SCN11A: variants seen among roughly 807,000 people sequenced by gnomAD.
SCN11A encodes sodium voltage-gated channel alpha subunit 11.
In SCN11A, 122 loss-of-function variants were observed where a neutral mutation model predicts 162.2. The ratio of observed to expected loss-of-function variants is 0.75; its 90% CI spans 0.65 to 0.87. SCN11A has a LOEUF of 0.87. SCN11A is among the 40% of genes least tolerant of loss of function. The probability of loss-of-function intolerance (pLI) is 0.00; values close to 1 mark genes in which losing one functional copy is unlikely to be tolerated. For synonymous variants in SCN11A, 758 were observed against 751.5 expected, an observed-to-expected ratio of 1.01 and a Z score of -0.14; for missense variants, 2,015 against 2,181.6, an observed-to-expected ratio of 0.92 and a Z score of 1.52.
chr3:38,941,920 T>C (rs960131285), intron 7 of SCN11A, among the ~76,000 whole-genome samples: 5 of 152,156 alleles, frequency 3.3e-5, no homozygotes, highest in Non-Finnish European at 7.4e-5. Context: ...ATTGATAGAC[T>C]GCATAAAAAG....
At chr3:39,033,991 C>T (rs1049448011) in intron 1 of SCN11A, among the ~76,000 whole-genome samples, 1 of 151,966 alleles carries the variant, frequency 6.6e-6, no homozygotes, top group Non-Finnish European at 1.5e-5. Flanking sequence ...AATGAAACAC[C>T]ATTTCTACTA....
chr3:38,939,893 A>G (rs551171183), intron 7 of SCN11A, among the ~76,000 whole-genome samples: 1 of 151,822 alleles, frequency 6.6e-6, no homozygotes, highest in Non-Finnish European at 1.5e-5. Flanking sequence ...ACAAGAGTGA[A>G]ACCCCATCTC....
intron 3 of SCN11A, among the ~76,000 whole-genome samples, chr3:38,956,105 T>C (rs138609189): frequency 0.016 from 2,429 of 152,100 alleles, 67 homozygotes; most frequent in African/African-American, 0.056. Context: ...ATCAGCCAGG[T>C]GTGGTGGTGC....
chr3:39,000,840 C>A (rs1312917692), intron 2 of SCN11A, among the ~76,000 whole-genome samples: 1 of 152,096 alleles, frequency 6.6e-6, no homozygotes, highest in Admixed American at 6.5e-5. Flanking sequence ...AGTTTGAGAC[C>A]AGCCTGAGTA....
chr3:38,984,705 T>C (rs917224090), intron 2 of SCN11A, among the ~76,000 whole-genome samples: 2 of 152,120 alleles, frequency 1.3e-5, no homozygotes, highest in African/African-American at 4.8e-5. Flanking sequence ...GAGACGGGGT[T>C]TCACCATGTT....
chr3:38,944,976 A>C (rs932133565), intron 7 of SCN11A, among the ~76,000 whole-genome samples: 2 of 152,208 alleles, frequency 1.3e-5, no homozygotes. Flanking sequence ...AAAATAAAAA[A>C]AAATAAAAAA....
chr3:38,887,419 G>A (rs1010362364), intron 19 of SCN11A, among the ~76,000 whole-genome samples: 4 of 136,620 alleles, frequency 2.9e-5, no homozygotes, highest in African/African-American at 5.5e-5. Context: ...AAAAACCCCC[G>A]CATTCCGGGA....
intron 2 of SCN11A, among the ~76,000 whole-genome samples, chr3:39,022,229 C>G (rs1369060743): frequency 6.6e-6 from 1 of 152,170 alleles, no homozygotes; most frequent in African/African-American, 2.4e-5. Flanking sequence ...CATGGAGAGG[C>G]GTGAAGCTCA....
chr3:39,012,434 CTT>C (rs1239531967), intron 2 of SCN11A, among the ~76,000 whole-genome samples: 10 of 151,066 alleles, frequency 6.6e-5, no homozygotes, highest in African/African-American at 2.2e-4. Context: ...TTCTTTCTTT[CTT>C]TCTCTCTCTC....
chr3:38,856,761 C>A (rs1198941079), intron 28 of SCN11A, among the ~76,000 whole-genome samples: 1 of 152,076 alleles, frequency 6.6e-6, no homozygotes, highest in Non-Finnish European at 1.5e-5. Context: ...ATGAGAGAAC[C>A]AGATAAGCTG....
chr3:38,975,728 T>C (rs1168291993), intron 2 of SCN11A, among the ~76,000 whole-genome samples: 1 of 152,094 alleles, frequency 6.6e-6, no homozygotes, highest in Non-Finnish European at 1.5e-5. Flanking sequence ...GACAATACAG[T>C]CACAAAAAGA....
chr3:38,968,707 C>G (rs1315565427), intron 2 of SCN11A, among the ~76,000 whole-genome samples: 1 of 152,146 alleles, frequency 6.6e-6, no homozygotes, highest in Non-Finnish European at 1.5e-5. Context: ...CACATACACA[C>G]GTCAGAATCA....
intron 28 of SCN11A, among the ~76,000 whole-genome samples, chr3:38,854,319 C>A (rs2064831749): frequency 6.6e-6 from 1 of 152,122 alleles, no homozygotes; most frequent in Non-Finnish European, 1.5e-5. Flanking sequence ...AAGGAAAAGT[C>A]TGTCAATCCC....
At chr3:39,021,372 G>A (rs1559576770) in intron 2 of SCN11A, among the ~76,000 whole-genome samples, 1 of 152,156 alleles carries the variant, frequency 6.6e-6, no homozygotes, top group Admixed American at 6.5e-5. Flanking sequence ...TCAAGGTGCT[G>A]GAGCTGTATT....
intron 19 of SCN11A, among the ~76,000 whole-genome samples, chr3:38,886,795 T>C (rs2065408151): frequency 6.6e-6 from 1 of 152,040 alleles, no homozygotes. Flanking sequence ...ATAAAACATA[T>C]CACTACATAA....
intron 17 of SCN11A, 139 bp from the exon 18 acceptor site, chr3:38,897,364 A>G: frequency 1.3e-6 from 1 of 750,586 alleles, no homozygotes; most frequent in Non-Finnish European, 2.1e-6. Context: ...TATCCTGAAC[A>G]TAGCCATCAG....
Position 38,880,129 on chromosome 3 carries a change from A to G in SCN11A, c.3220-6T>C, listed in dbSNP as rs781406151. 1.4e-5 allele frequency: 23 copies of G among 1,602,204 alleles called. No homozygotes were observed. Among genetic ancestry groups the G allele is most frequent in the Non-Finnish European group, 2.0e-5 (23 of 1,173,458 alleles). On this transcript the variant is annotated splice_region_variant and splice_polypyrimidine_tract_variant and intron_variant, in intron 22 of 29. Transcript: ENST00000302328. ...AGGTGAACATCTTCAAATATCTGAA[A>G]TGAAAAAGCATAGCCATAGGCCAGG...
intron 19 of SCN11A, among the ~76,000 whole-genome samples, chr3:38,886,439 C>T (rs988672595): frequency 3.3e-4 from 51 of 152,262 alleles, no homozygotes; most frequent in African/African-American, 1.2e-3. Flanking sequence ...GAAACAGATA[C>T]TGAACTTGTT....
chr3:38,948,351 C>T (rs1471999848), intron 5 of SCN11A, among the ~76,000 whole-genome samples: 1 of 152,174 alleles, frequency 6.6e-6, no homozygotes, highest in Non-Finnish European at 1.5e-5. Flanking sequence ...AATATTTTAA[C>T]TAATGGTGTA....
Sources: gnomAD v4.1 joint callset for allele counts (sites outside exome capture counted in the v4.1 genomes callset) on GRCh38, gnomAD v4.1.1 for gene constraint, MANE v1.5 for transcripts, NCBI Gene and HGNC (gene_info 2026-07-23, HGNC 2026-07-21) for gene names.